ZZZ3: variants seen among roughly 807,000 people sequenced by gnomAD.
ZZZ3 encodes zinc finger ZZ-type containing 3, also known as ZZ-type zinc finger-containing protein 3.
Under a neutral mutation model 95.2 loss-of-function variants are expected in ZZZ3, and 22 were observed. The observed-to-expected ratio is 0.23, with a 90% CI of 0.17 to 0.33. ZZZ3 has a LOEUF of 0.33. ZZZ3 is among the 10% of genes least tolerant of loss of function. The probability of loss-of-function intolerance (pLI) is 1.00; values close to 1 mark genes in which losing one functional copy is unlikely to be tolerated. For synonymous variants in ZZZ3, 335 were observed against 358.9 expected, an observed-to-expected ratio of 0.93 and a Z score of 0.75; for missense variants, 885 against 1,066.5, an observed-to-expected ratio of 0.83 and a Z score of 2.37.
intron 1 of ZZZ3, among the ~76,000 whole-genome samples, chr1:77,672,890 T>G (rs754532810): frequency 6.6e-6 from 1 of 152,178 alleles, no homozygotes; most frequent in Non-Finnish European, 1.5e-5. Context: ...GCATGATGTT[T>G]CCCCAAAGTC....
At chr1:77,569,008 G>C (rs1661108916) in intron 12 of ZZZ3, among the ~76,000 whole-genome samples, 1 of 152,126 alleles carries the variant, frequency 6.6e-6, no homozygotes, top group African/African-American at 2.4e-5. Context: ...ATTTAGAATG[G>C]ACTGTAAGAG....
intron 1 of ZZZ3, among the ~76,000 whole-genome samples, chr1:77,675,482 G>A (rs996478813): frequency 9.2e-5 from 14 of 151,842 alleles, no homozygotes; most frequent in African/African-American, 3.4e-4. Context: ...AAAAAAAGGT[G>A]TTAAGTTATG....
intron 1 of ZZZ3, among the ~76,000 whole-genome samples, chr1:77,659,836 G>GTTTT (rs1241533478): frequency 1.3e-5 from 2 of 151,696 alleles, no homozygotes; most frequent in African/African-American, 4.8e-5. Context: ...TTGTTTGTTT[G>GTTTT]TTTGTTTGTT....
rs773376175 is a variant in ZZZ3 at position 77,632,601 on chromosome 1, A to G, written c.754T>C (p.Phe252Leu). 29 of 1,614,186 alleles carry G rather than the reference A, an allele frequency of 1.8e-5. No homozygotes were observed. The highest frequency in any genetic ancestry group is 2.5e-5 in the Non-Finnish European group (29 of 1,180,018). Reference protein sequence around the residue: ...NGDTDTQTSMFLDSRKEDSYI... With the variant: ...NGDTDTQTSMLLDSRKEDSYI... ...CTGTCCTCCTTCCTACTATCAAGGAACATTGAAGTTTGGGTATCCGTATCC... is the reference window on the plus strand; with the variant it reads ...CTGTCCTCCTTCCTACTATCAAGGAGCATTGAAGTTTGGGTATCCGTATCC... The change falls in exon 5 of 15, where the codon TTC becomes CTC. Residue 252 changes from phenylalanine to leucine, a missense_variant. By Grantham distance (22) the Phe-to-Leu change is conservative (BLOSUM62 0). Around this residue, in one of 5 missense-constraint regions of ZZZ3, gnomAD observed 556 missense variants for 652.9 expected, o/e 0.85. Transcript: ENST00000370801.
rs181573264 is a variant in ZZZ3, at chr1:77,590,698, T to C, written c.1506-6043A>G. On this transcript the variant is annotated intron_variant, in intron 5 of 14. Transcript: ENST00000370801. ...ATTTTTGCAGATAAATGGAAAAATT[T>C]AAATATAGATTGTGCAGTATATAAT... Among the ~76,000 whole-genome samples, 439 of 152,376 alleles carry C rather than the reference T, an allele frequency of 2.9e-3. 4 individuals are homozygous for C. The highest frequency in any genetic ancestry group is 0.01 in the African/African-American group (423 of 41,590).
intron 5 of ZZZ3, among the ~76,000 whole-genome samples, chr1:77,603,476 C>T (rs1049242036): frequency 1.3e-5 from 2 of 152,188 alleles, no homozygotes; most frequent in African/African-American, 2.4e-5. Flanking sequence ...GATTGTATTT[C>T]TCTTCCACCT....
chr1:77,652,736 TATC>T (rs1400161851), intron 1 of ZZZ3, among the ~76,000 whole-genome samples: 2 of 152,134 alleles, frequency 1.3e-5, no homozygotes, highest in African/African-American at 4.8e-5. Context: ...AAACAAGGAA[TATC>T]ATATCAACAC....
chr1:77,638,179 T>C (rs957088013), intron 4 of ZZZ3, among the ~76,000 whole-genome samples: 2 of 152,190 alleles, frequency 1.3e-5, no homozygotes, highest in African/African-American at 4.8e-5. Flanking sequence ...ATTCTCATCC[T>C]CTTGGAGGCC....
intron 5 of ZZZ3, among the ~76,000 whole-genome samples, chr1:77,596,395 A>C (rs1664217422): frequency 6.6e-6 from 1 of 151,988 alleles, no homozygotes; most frequent in African/African-American, 2.4e-5. Context: ...AGCAAAGGGA[A>C]TTTTTTTTCA....
chr1:77,630,903 GT>G (rs1231536984), intron 5 of ZZZ3, among the ~76,000 whole-genome samples: 1 of 152,148 alleles, frequency 6.6e-6, no homozygotes, highest in Non-Finnish European at 1.5e-5. Flanking sequence ...TCAAATCAAA[GT>G]ATTTATGTAC....
At chr1:77,622,741 G>C (rs545735264) in intron 5 of ZZZ3, among the ~76,000 whole-genome samples, 1 of 152,110 alleles carries the variant, frequency 6.6e-6, no homozygotes, top group East Asian at 1.9e-4. Flanking sequence ...TTTTATTTCT[G>C]TTCCAACCTC....
intron 5 of ZZZ3, among the ~76,000 whole-genome samples, chr1:77,585,399 C>G (rs571999816): frequency 6.6e-6 from 1 of 152,278 alleles, no homozygotes; most frequent in Non-Finnish European, 1.5e-5. Context: ...TTCTAATATT[C>G]TCCCTCTGTT....
Position 77,627,062 on chromosome 1 carries a change from A to G in ZZZ3, c.1505+4788T>C, listed in dbSNP as rs542328427. On this transcript the variant is annotated intron_variant, in intron 5 of 14. Coordinates refer to ENST00000370801, the MANE Select transcript of ZZZ3 (RefSeq NM_015534.6). ...AGAATTCCTGACAACTGAGTCCCCA[A>G]GATCTGCTCCATGAGGGTTCTCAAC... Among the ~76,000 whole-genome samples, 217 of 152,288 alleles carry G rather than the reference A, an allele frequency of 1.4e-3. 2 individuals are homozygous for G. The highest frequency in any genetic ancestry group is 4.9e-3 in the African/African-American group (202 of 41,568).
At chr1:77,597,459 T>C (rs866660472) in intron 5 of ZZZ3, among the ~76,000 whole-genome samples, 1 of 151,832 alleles carries the variant, frequency 6.6e-6, no homozygotes, top group African/African-American at 2.4e-5. Context: ...AAGAATACAG[T>C]ATGAAAAGGG....
At chr1:77,573,277 G>A (rs1236268978) in intron 12 of ZZZ3, among the ~76,000 whole-genome samples, 1 of 112,428 alleles carries the variant, frequency 8.9e-6, no homozygotes, top group Non-Finnish European at 2.0e-5. Flanking sequence ...GCACCACCAT[G>A]CCCAGCTAAT....
At chr1:77,611,454 T>A (rs1324185395) in intron 5 of ZZZ3, among the ~76,000 whole-genome samples, 1 of 151,954 alleles carries the variant, frequency 6.6e-6, no homozygotes, top group Non-Finnish European at 1.5e-5. Flanking sequence ...AATTCCAATG[T>A]CATTTTTCAT....
intron 1 of ZZZ3, among the ~76,000 whole-genome samples, chr1:77,643,737 A>T (rs544710686): frequency 6.6e-6 from 1 of 152,376 alleles, no homozygotes; most frequent in African/African-American, 2.4e-5. Flanking sequence ...AGACTACGTA[A>T]ATCTCACTAG....
intron 5 of ZZZ3, among the ~76,000 whole-genome samples, chr1:77,593,607 G>A (rs561319658): frequency 1.3e-5 from 2 of 152,248 alleles, no homozygotes; most frequent in Non-Finnish European, 2.9e-5. Flanking sequence ...CTATTCCTAG[G>A]AGACTTGTAA....
At chr1:77,682,447 G>A (rs1672873592) in intron 1 of ZZZ3, 138 bp downstream of exon 1, 1 of 152,848 alleles carries the variant, frequency 6.5e-6, no homozygotes, top group Non-Finnish European at 1.5e-5. Context: ...GCAGGTGGTG[G>A]AGCGCCCGCA....
Sources: allele counts gnomAD v4.1 joint callset (sites outside exome capture counted in the v4.1 genomes callset), GRCh38; gene constraint gnomAD v4.1.1; regional missense constraint gnomAD v4.1.1; transcripts MANE v1.5; gene names NCBI Gene and HGNC (gene_info 2026-07-23, HGNC 2026-07-21).